Variants in GLT1D1 observed in about 807,000 individuals in gnomAD.
The protein encoded by GLT1D1 is glycosyltransferase 1 domain containing 1, also known as glycosyltransferase 1 domain-containing protein 1.
GLT1D1 carries 21 observed loss-of-function variants against 28.7 expected under a neutral mutation model. The observed-to-expected ratio is 0.73, with a 90% CI of 0.52 to 1.05. The LOEUF is 1.05. GLT1D1 is among the 50% of genes least tolerant of loss of function. The pLI is 0.00. For missense variants in GLT1D1, 343 were observed against 330.6 expected (o/e 1.04, Z -0.29); for synonymous variants, 147 against 124.8 (o/e 1.18, Z -1.19).
chr12:128,944,655 T>C, intron 4 of GLT1D1: 1 of 732,516 alleles, frequency 1.4e-6, no homozygotes, highest in Non-Finnish European at 2.5e-6. Context: ...CTAGGGCTTC[T>C]GCCTGTGGAA....
At chr12:128,956,084 G>A (rs1019698897) in intron 6 of GLT1D1, among the ~76,000 whole-genome samples, 5 of 144,300 alleles carry the variant, frequency 3.5e-5, no homozygotes, top group South Asian at 2.2e-4. Context: ...GCGTGAACCC[G>A]AGAGGCGGAG....
chr12:128,881,560 A>AG (rs1318513491), intron 2 of GLT1D1, among the ~76,000 whole-genome samples: 7 of 70,498 alleles, frequency 9.9e-5, no homozygotes, highest in Admixed American at 2.0e-4. Context: ...AAAAAAAAAA[A>AG]AATATATATA....
intron 7 of GLT1D1, among the ~76,000 whole-genome samples, chr12:128,982,008 T>C (rs1880361623): frequency 6.6e-6 from 1 of 152,142 alleles, no homozygotes; most frequent in Non-Finnish European, 1.5e-5. Context: ...GAATACCCTT[T>C]AACAGTGAAA....
intron 3 of GLT1D1, among the ~76,000 whole-genome samples, chr12:128,898,283 C>G (rs142568485): frequency 1.6e-4 from 25 of 152,202 alleles, no homozygotes; most frequent in Non-Finnish European, 3.2e-4. Flanking sequence ...AGCGATCCTC[C>G]TGCCTCAGCC....
chr12:128,951,905 G>C (rs1029768636), intron 6 of GLT1D1, among the ~76,000 whole-genome samples: 15 of 152,244 alleles, frequency 9.9e-5, no homozygotes, highest in Non-Finnish European at 2.1e-4. Context: ...TCGTGAGTGG[G>C]TTGTGTTGCA....
chr12:128,908,201 GC>G (rs1871084197), intron 4 of GLT1D1, among the ~76,000 whole-genome samples: 1 of 152,102 alleles, frequency 6.6e-6, no homozygotes, highest in Admixed American at 6.5e-5. Flanking sequence ...GAGTCCCCGC[GC>G]CTGGCCGGAT....
chr12:128,953,275 C>A (rs1242008858), intron 6 of GLT1D1, among the ~76,000 whole-genome samples: 1 of 152,198 alleles, frequency 6.6e-6, no homozygotes, highest in Non-Finnish European at 1.5e-5. Flanking sequence ...TCCTCCCATT[C>A]TGTAGATTGT....
intron 7 of GLT1D1, among the ~76,000 whole-genome samples, chr12:128,961,444 G>C (rs1393981312): frequency 1.3e-5 from 2 of 152,192 alleles, no homozygotes; most frequent in Non-Finnish European, 2.9e-5. Flanking sequence ...GCATAAGGAA[G>C]ATGTGGTACA....
At chr12:128,961,899 C>CTT (rs111400462) in intron 7 of GLT1D1, among the ~76,000 whole-genome samples, 1 of 151,630 alleles carries the variant, frequency 6.6e-6, no homozygotes, top group African/African-American at 2.4e-5. Context: ...GAAATGTGAC[C>CTT]TTTTTTTTTG....
intron 3 of GLT1D1, among the ~76,000 whole-genome samples, chr12:128,894,663 G>A (rs925503174): frequency 1.3e-5 from 2 of 151,726 alleles, no homozygotes; most frequent in Admixed American, 1.3e-4. Flanking sequence ...GGCCAACATG[G>A]TGAACCCTCA....
intron 1 of GLT1D1, among the ~76,000 whole-genome samples, chr12:128,870,275 A>G (rs907601715): frequency 2.6e-5 from 4 of 152,268 alleles, no homozygotes; most frequent in African/African-American, 7.2e-5. Context: ...CAAAACAACA[A>G]CAACAAAAAA....
intron 4 of GLT1D1, among the ~76,000 whole-genome samples, chr12:128,913,789 C>T (rs1344937915): frequency 2.0e-5 from 3 of 152,182 alleles, no homozygotes; most frequent in Admixed American, 6.5e-5. Flanking sequence ...TGAGGCAGCG[C>T]GTAGGTTTGA....
chr12:128,899,162 C>T, intron 3 of GLT1D1, 74 bp from the exon 4 acceptor site: 1 of 1,091,710 alleles, frequency 9.2e-7, no homozygotes. Flanking sequence ...ATAATTTGTT[C>T]CAAAGAGCTG....
intron 7 of GLT1D1, among the ~76,000 whole-genome samples, chr12:128,977,823 G>C (rs576429085): frequency 6.8e-6 from 1 of 146,322 alleles, no homozygotes; most frequent in Non-Finnish European, 1.5e-5. Flanking sequence ...TTGTCGCCCA[G>C]GCTGGGGTGC....
intron 6 of GLT1D1, among the ~76,000 whole-genome samples, chr12:128,950,612 C>A (rs535648430): frequency 1.5e-4 from 23 of 152,334 alleles, no homozygotes; most frequent in Non-Finnish European, 1.0e-4. Context: ...TGGTGCCCCC[C>A]CCTCACAGAT....
chr12:128,924,475 A>T (rs1051056557), intron 4 of GLT1D1, among the ~76,000 whole-genome samples: 20 of 151,442 alleles, frequency 1.3e-4, no homozygotes, highest in Admixed American at 3.3e-4. Context: ...TTATTTATTT[A>T]TTTTTTTGAG....
At position 128,874,098 on chromosome 12, in the gene GLT1D1, TTC is replaced by T. The variant is rs1263001892; in HGVS notation, c.69-1788_69-1787del. 1.8e-3 allele frequency among the ~76,000 whole-genome samples: 61 copies of T among 33,036 alleles called. 3 individuals are homozygous for T. Among genetic ancestry groups the T allele is most frequent in the African/African-American group, 3.1e-3 (24 of 7,868 alleles). 21.7% of individuals were successfully genotyped at this position (33,036 alleles called of 152,430 possible). A position where few individuals can be genotyped will look rare whatever the true frequency, so the allele number is the denominator to read the frequency against. ...TTTCTTTCTTTCTTTCTTTCTTTCTTTCTCTCTCTCTCTCTCTCTCTCTCTCT... is the reference window on the plus strand; with the variant it reads ...TTTCTTTCTTTCTTTCTTTCTTTCTTTCTCTCTCTCTCTCTCTCTCTCTCT... On this transcript the variant is annotated intron_variant, in intron 1 of 7. Transcript: ENST00000281703.
At chr12:128,958,830 C>CTCT (rs1877587757) in intron 7 of GLT1D1, among the ~76,000 whole-genome samples, 1 of 83,856 alleles carries the variant, frequency 1.2e-5, no homozygotes, top group Non-Finnish European at 2.1e-5. Context: ...AAATAAAAAT[C>CTCT]TTTTTTTTTT....
At position 128,951,927 on chromosome 12, in the gene GLT1D1, G is replaced by A. The variant is rs1366337026; in HGVS notation, c.540+4469G>A. On this transcript the variant is annotated intron_variant, in intron 6 of 7. Transcript: ENST00000281703. ...TGGGTTGTGTTGCATCTTTTCTGCTGAACTGCGGTTTTCCTTGGAGGCAGG... is the reference window on the plus strand; with the variant it reads ...TGGGTTGTGTTGCATCTTTTCTGCTAAACTGCGGTTTTCCTTGGAGGCAGG... Among the ~76,000 whole-genome samples the A allele has an allele frequency of 2.0e-5, 3 of 152,316 alleles. No individual in the cohort carries two copies. The East Asian group carries it at 5.8e-4, about 29-fold the overall frequency.
Sources: gnomAD v4.1 joint callset for allele counts (sites outside exome capture counted in the v4.1 genomes callset) on GRCh38, gnomAD v4.1.1 for gene constraint, MANE v1.5 for transcripts, NCBI Gene and HGNC (gene_info 2026-07-23, HGNC 2026-07-21) for gene names.